GADL1: variants seen among roughly 807,000 people sequenced by gnomAD.
The protein encoded by GADL1 is acidic amino acid decarboxylase GADL1.
A neutral mutation model predicts 69.5 loss-of-function variants in GADL1; 71 were observed. The observed-to-expected ratio is 1.02, with a 90% CI of 0.84 to 1.25. GADL1 has a LOEUF of 1.25. Ranked by LOEUF, GADL1 falls within the 50% of genes most tolerant of loss-of-function variation. The pLI is 0.00. For synonymous variants in GADL1, 254 were observed against 214.4 expected (o/e 1.18, Z -1.62); for missense variants, 737 against 631.8 (o/e 1.17, Z -1.79).
At chr3:30,894,359 T>C (rs894061974) in intron 1 of GADL1, among the ~76,000 whole-genome samples, 8 of 152,192 alleles carry the variant, frequency 5.3e-5, no homozygotes, top group African/African-American at 1.9e-4. Flanking sequence ...TTAGGCGCGG[T>C]TCTTCGCGCT....
chr3:30,878,984 T>G (rs1399776693), intron 1 of GADL1, among the ~76,000 whole-genome samples: 1 of 151,942 alleles, frequency 6.6e-6, no homozygotes, highest in Non-Finnish European at 1.5e-5. Context: ...CTTCTCTGAA[T>G]ACTTTTCTTG....
chr3:30,840,291 G>A (rs778691465), intron 8 of GADL1, among the ~76,000 whole-genome samples: 13 of 152,130 alleles, frequency 8.5e-5, no homozygotes, highest in Non-Finnish European at 1.2e-4. Context: ...GGAAAGTGGG[G>A]CAGAGCAAGA....
intron 1 of GADL1, among the ~76,000 whole-genome samples, chr3:30,875,938 C>T (rs529554681): frequency 6.6e-6 from 1 of 152,040 alleles, no homozygotes; most frequent in East Asian, 2.0e-4. Context: ...ATTGGACACG[C>T]CTGGATTACC....
intron 11 of GADL1, among the ~76,000 whole-genome samples, chr3:30,810,877 C>T (rs953427397): frequency 2.6e-5 from 4 of 152,126 alleles, no homozygotes; most frequent in East Asian, 3.9e-4. Flanking sequence ...AGTCCCTCCC[C>T]CTCCTGCTAC....
At chr3:30,763,971 TAAC>T (rs909620106) in intron 14 of GADL1, among the ~76,000 whole-genome samples, 24 of 152,246 alleles carry the variant, frequency 1.6e-4, no homozygotes, top group African/African-American at 4.3e-4. Flanking sequence ...ACTTTTTTCT[TAAC>T]AAAGAATAAA....
intron 14 of GADL1, among the ~76,000 whole-genome samples, chr3:30,761,681 ATTT>A (rs1389385294): frequency 6.7e-6 from 1 of 149,424 alleles, no homozygotes; most frequent in African/African-American, 2.5e-5. Context: ...AAGGAATGAG[ATTT>A]TTTTAGACAT....
intron 14 of GADL1, 74 bp downstream of exon 14, chr3:30,778,105 T>C (rs1696578389): frequency 1.3e-5 from 11 of 863,152 alleles, no homozygotes; most frequent in Non-Finnish European, 1.9e-5. Flanking sequence ...GGCCCTCTTA[T>C]TTATAGGATC....
At chr3:30,828,121 A>G (rs1011680702) in intron 11 of GADL1, among the ~76,000 whole-genome samples, 6 of 151,920 alleles carry the variant, frequency 3.9e-5, no homozygotes, top group Non-Finnish European at 5.9e-5. Flanking sequence ...AGCAAGAGCT[A>G]GAAAAGAAAT....
chr3:30,751,692 C>T (rs1208339925), intron 14 of GADL1, among the ~76,000 whole-genome samples: 1 of 152,172 alleles, frequency 6.6e-6, no homozygotes, highest in African/African-American at 2.4e-5. Context: ...GTCTTAACTA[C>T]AATCGTGTCT....
intron 14 of GADL1, among the ~76,000 whole-genome samples, chr3:30,743,162 G>A (rs1559484578): frequency 6.6e-6 from 1 of 152,054 alleles, no homozygotes; most frequent in East Asian, 1.9e-4. Context: ...GTTTGAGAGA[G>A]TATCTTTAAT....
At chr3:30,867,518 G>T (rs866960536) in intron 1 of GADL1, among the ~76,000 whole-genome samples, 29 of 151,100 alleles carry the variant, frequency 1.9e-4, no homozygotes, top group African/African-American at 6.8e-4. Context: ...AAGTTTTACA[G>T]ATTTAACAAA....
rs758321059 is a variant in GADL1 at position 30,800,845 on chromosome 3, AC to A, written c.1250+43del. The A allele has an allele frequency of 8.7e-6, 11 of 1,261,626 alleles. No individual in the cohort carries two copies. The African/African-American group carries it at 1.4e-4, about 16-fold the overall frequency. The allele number at this position is 1,261,626 out of a possible 1,614,324, so 78.2% of individuals were successfully genotyped here. On this transcript the variant is annotated intron_variant, in intron 12 of 14. Transcript: ENST00000282538. ...CACACACACACACACACACACACAC[AC>A]ACACAGAAAGAGAGAGAGAGAGAGA...
chr3:30,844,016 C>T (rs1162616096), intron 8 of GADL1, among the ~76,000 whole-genome samples, 194 bp downstream of exon 8: 2 of 152,234 alleles, frequency 1.3e-5, no homozygotes, highest in African/African-American at 4.8e-5. Flanking sequence ...CATGGAGAGC[C>T]AAGCACTTGG....
At chr3:30,751,041 T>G (rs894376840) in intron 14 of GADL1, among the ~76,000 whole-genome samples, 78 of 152,250 alleles carry the variant, frequency 5.1e-4, no homozygotes, top group African/African-American at 2.2e-4. Flanking sequence ...GGTTAAGGCA[T>G]AAACAAAAGA....
intron 1 of GADL1, among the ~76,000 whole-genome samples, chr3:30,863,594 G>A (rs1421393851): frequency 6.6e-6 from 1 of 151,726 alleles, no homozygotes; most frequent in African/African-American, 2.4e-5. Context: ...ACCTTATAAT[G>A]TATATGTTCA....
chr3:30,785,664 G>T (rs1696772843), intron 13 of GADL1, among the ~76,000 whole-genome samples: 1 of 152,144 alleles, frequency 6.6e-6, no homozygotes, highest in Admixed American at 6.5e-5. Flanking sequence ...GTGAGCCACT[G>T]TGCCTAGCCA....
chr3:30,887,642 A>G (rs1698726977), intron 1 of GADL1, among the ~76,000 whole-genome samples: 1 of 152,172 alleles, frequency 6.6e-6, no homozygotes, highest in East Asian at 1.9e-4. Flanking sequence ...AAGCAAGAGA[A>G]AAGAGACTAA....
intron 1 of GADL1, among the ~76,000 whole-genome samples, chr3:30,880,647 G>C (rs1698630980): frequency 6.6e-6 from 1 of 151,838 alleles, no homozygotes; most frequent in South Asian, 2.1e-4. Flanking sequence ...AGCAGTTTGA[G>C]AATGGACTAA....
At chr3:30,775,183 C>T (rs1188720430) in intron 14 of GADL1, among the ~76,000 whole-genome samples, 1 of 152,134 alleles carries the variant, frequency 6.6e-6, no homozygotes, top group African/African-American at 2.4e-5. Flanking sequence ...CATACATATG[C>T]GCTCATACCC....
Sources: allele counts gnomAD v4.1 joint callset (sites outside exome capture counted in the v4.1 genomes callset), GRCh38; gene constraint gnomAD v4.1.1; transcripts MANE v1.5; gene names NCBI Gene and HGNC (gene_info 2026-07-23, HGNC 2026-07-21).